GTF2F2: variants seen among roughly 807,000 people sequenced by gnomAD.
GTF2F2 encodes the protein ATP-dependent helicase GTF2F2.
In GTF2F2, 23 loss-of-function variants were observed where a neutral mutation model predicts 42.2. The observed-to-expected ratio is 0.55, with a 90% CI of 0.39 to 0.77. GTF2F2 has a LOEUF of 0.77. Among genes scored for constraint, GTF2F2 ranks in the 30% least tolerant of loss-of-function variants. GTF2F2 has a pLI of 0.00. For missense variants in GTF2F2, 261 were observed against 287.2 expected, an observed-to-expected ratio of 0.91 and a Z score of 0.66; for synonymous variants, 105 against 100.8, an observed-to-expected ratio of 1.04 and a Z score of -0.25.
In GTF2F2 at chr13:45,173,793, A is replaced by C. The variant is rs144743159; in HGVS notation, c.304+21962A>C. On this transcript the variant is annotated intron_variant, in intron 4 of 7. Transcript: ENST00000340473. ...CTACCACGCCCAGCTAATTTTTTGT[A>C]TTTTTAGTAGAGATGGGGTTTCACG... Among the ~76,000 whole-genome samples the C allele has an allele frequency of 6.5e-3, 978 of 150,842 alleles. 12 individuals carry two copies. The highest frequency in any genetic ancestry group is 0.023 in the African/African-American group (934 of 41,086).
At chr13:45,215,055 C>T (rs541657733) in intron 5 of GTF2F2, among the ~76,000 whole-genome samples, 1 of 152,198 alleles carries the variant, frequency 6.6e-6, no homozygotes, top group East Asian at 1.9e-4. Context: ...AATACTAGCT[C>T]AAATATTGAA....
At chr13:45,166,451 A>C (rs974719463) in intron 4 of GTF2F2, among the ~76,000 whole-genome samples, 3 of 152,222 alleles carry the variant, frequency 2.0e-5, no homozygotes, top group Non-Finnish European at 4.4e-5. Context: ...TTGGCTGATA[A>C]GGAAATGACA....
At chr13:45,212,451 C>G (rs199798417) in intron 5 of GTF2F2, among the ~76,000 whole-genome samples, 2 of 71,658 alleles carry the variant, frequency 2.8e-5, no homozygotes, top group African/African-American at 1.2e-4. Context: ...TTTCTTGTTT[C>G]TTTCTTTCTT....
At chr13:45,129,874 C>A (rs1869244894) in intron 1 of GTF2F2, among the ~76,000 whole-genome samples, 1 of 152,166 alleles carries the variant, frequency 6.6e-6, no homozygotes, top group Admixed American at 6.5e-5. Context: ...TTAAATAGGG[C>A]AGGAAGGGAC....
At chr13:45,166,200 C>CAACCT (rs1193938593) in intron 4 of GTF2F2, among the ~76,000 whole-genome samples, 2 of 152,094 alleles carry the variant, frequency 1.3e-5, no homozygotes, top group African/African-American at 4.8e-5. Flanking sequence ...TTAACAATTC[C>CAACCT]AAAATATCAT....
chr13:45,273,654 A>ATTTTTTTTTTTTT (rs1331934269), intron 7 of GTF2F2, among the ~76,000 whole-genome samples: 102 of 110,880 alleles, frequency 9.2e-4, no homozygotes, highest in African/African-American at 4.1e-3. Context: ...AGAGTGGTAA[A>ATTTTTTTTTTTTT]ATTTTTTTTT....
At chr13:45,144,631 C>T (rs1441532020) in intron 2 of GTF2F2, among the ~76,000 whole-genome samples, 3 of 151,486 alleles carry the variant, frequency 2.0e-5, no homozygotes, top group Non-Finnish European at 2.9e-5. Flanking sequence ...TTAGTAGAGA[C>T]GGGGTTTCAC....
At chr13:45,141,061 T>C (rs1328960699) in intron 2 of GTF2F2, among the ~76,000 whole-genome samples, 2 of 152,228 alleles carry the variant, frequency 1.3e-5, no homozygotes, top group African/African-American at 4.8e-5. Flanking sequence ...AACTCAAATG[T>C]TCTCCTTCCA....
chr13:45,173,615 T>C (rs79493114), intron 4 of GTF2F2, among the ~76,000 whole-genome samples: 2 of 69,874 alleles, frequency 2.9e-5, no homozygotes, highest in African/African-American at 1.4e-4. Context: ...CTTTGTCATT[T>C]TTTTTTTTTT....
chr13:45,282,928 A>G lies in GTF2F2; in HGVS notation c.631-514A>G, dbSNP rs569525271. 2.5e-3 allele frequency among the ~76,000 whole-genome samples: 378 copies of G among 152,310 alleles called. 1 individual carries two copies. Among genetic ancestry groups the G allele is most frequent in the African/African-American group, 8.1e-3 (336 of 41,550 alleles). ...AAATAAGTGGGTGGCCTAAAAACAA[A>G]TTTGAGAACTCACCTTAGAACTGAG... On this transcript the variant is annotated intron_variant, in intron 7 of 7. Transcript: ENST00000340473.
chr13:45,204,866 T>A (rs1213303121), intron 4 of GTF2F2, among the ~76,000 whole-genome samples: 1 of 152,294 alleles, frequency 6.6e-6, no homozygotes, highest in South Asian at 2.1e-4. Flanking sequence ...AAAGAAGATA[T>A]GATAGAAAAT....
intron 7 of GTF2F2, among the ~76,000 whole-genome samples, chr13:45,273,757 C>T (rs1366688463): frequency 4.0e-5 from 6 of 150,110 alleles, no homozygotes; most frequent in Non-Finnish European, 7.4e-5. Context: ...CTGGTTCAAG[C>T]GATTCTCCTG....
chr13:45,242,870 T>C (rs1237307481), intron 5 of GTF2F2, among the ~76,000 whole-genome samples: 1 of 152,232 alleles, frequency 6.6e-6, no homozygotes, highest in African/African-American at 2.4e-5. Context: ...CAGATTTCTC[T>C]TCCAAATCTG....
chr13:45,260,897 G>A (rs1876311120), intron 6 of GTF2F2, among the ~76,000 whole-genome samples: 1 of 151,998 alleles, frequency 6.6e-6, no homozygotes, highest in South Asian at 2.1e-4. Flanking sequence ...TGGGTATGGT[G>A]GCATGCCCCT....
intron 2 of GTF2F2, among the ~76,000 whole-genome samples, chr13:45,148,614 G>T (rs1289606227): frequency 6.6e-6 from 1 of 152,038 alleles, no homozygotes; most frequent in Non-Finnish European, 1.5e-5. Context: ...TCTGATCCTG[G>T]TGCATTGTGG....
chr13:45,191,098 G>A (rs376249001), intron 4 of GTF2F2, among the ~76,000 whole-genome samples: 4 of 150,396 alleles, frequency 2.7e-5, no homozygotes, highest in Non-Finnish European at 5.9e-5. Context: ...CCGGCCGGGC[G>A]CAGTGGCTCA....
chr13:45,137,839 CTTATTTAT>C (rs10541192), intron 2 of GTF2F2, among the ~76,000 whole-genome samples: 1 of 151,506 alleles, frequency 6.6e-6, no homozygotes, highest in Non-Finnish European at 1.5e-5. Context: ...ACTTGTGTTC[CTTATTTAT>C]TTATTTATTT....
chr13:45,248,711 G>T (rs1439979078), intron 5 of GTF2F2, among the ~76,000 whole-genome samples: 2 of 151,900 alleles, frequency 1.3e-5, no homozygotes, highest in African/African-American at 4.8e-5. Flanking sequence ...CCTGACCTCA[G>T]GTGATCCACC....
intron 7 of GTF2F2, among the ~76,000 whole-genome samples, chr13:45,280,555 T>G (rs1321364738): frequency 6.6e-6 from 1 of 152,246 alleles, no homozygotes; most frequent in Non-Finnish European, 1.5e-5. Flanking sequence ...ATTGTGACCC[T>G]GATTGCATTT....
Sources: allele counts gnomAD v4.1 joint callset (sites outside exome capture counted in the v4.1 genomes callset), GRCh38; gene constraint gnomAD v4.1.1; transcripts MANE v1.5; gene names NCBI Gene and HGNC (gene_info 2026-07-23, HGNC 2026-07-21).